SLC15A1: variants seen among roughly 807,000 people sequenced by gnomAD.
SLC15A1 encodes Caco-2 oligopeptide transporter.
A neutral mutation model predicts 92.9 loss-of-function variants in SLC15A1; 83 were observed. The ratio of observed to expected loss-of-function variants is 0.89; its 90% CI spans 0.75 to 1.07. SLC15A1 has a LOEUF of 1.07. Among genes scored for constraint, SLC15A1 ranks in the 50% least tolerant of loss-of-function variants. SLC15A1 has a pLI of 0.00. For synonymous variants in SLC15A1, 322 were observed against 318.2 expected (o/e 1.01, Z -0.13); for missense variants, 857 against 880.1 (o/e 0.97, Z 0.33).
intron 1 of SLC15A1, among the ~76,000 whole-genome samples, chr13:98,735,579 T>C (rs752194790): frequency 1.3e-5 from 2 of 152,236 alleles, no homozygotes; most frequent in African/African-American, 4.8e-5. Context: ...CATGACTTTA[T>C]ATTTAGAAAA....
chr13:98,713,035 A>G (rs1172908229), intron 9 of SLC15A1, among the ~76,000 whole-genome samples: 2 of 152,200 alleles, frequency 1.3e-5, no homozygotes, highest in Non-Finnish European at 2.9e-5. Context: ...AATATTTTAC[A>G]CTTATGACAT....
intron 18 of SLC15A1, among the ~76,000 whole-genome samples, chr13:98,689,267 G>T (rs2087957235): frequency 6.6e-6 from 1 of 152,118 alleles, no homozygotes; most frequent in Non-Finnish European, 1.5e-5. Flanking sequence ...AGTAGTGAAA[G>T]ACCAAAACCA....
chr13:98,701,868 T>C (rs2088070985), intron 18 of SLC15A1, among the ~76,000 whole-genome samples: 1 of 151,870 alleles, frequency 6.6e-6, no homozygotes, highest in East Asian at 1.9e-4. Flanking sequence ...AGATACAGGG[T>C]TTCACCATGT....
At chr13:98,686,974 G>GTTTTTT in intron 21 of SLC15A1, among the ~76,000 whole-genome samples, 1 of 132,054 alleles carries the variant, frequency 7.6e-6, no homozygotes. Context: ...TTGAGATGGT[G>GTTTTTT]TCTTGCTCTG....
intron 1 of SLC15A1, among the ~76,000 whole-genome samples, chr13:98,730,245 AG>A: frequency 4.5e-5 from 1 of 22,278 alleles, no homozygotes; most frequent in Non-Finnish European, 8.6e-5. Context: ...GGGAAGGGGA[AG>A]GGGAGGGGAA....
chr13:98,698,151 A>G (rs1328144058), intron 18 of SLC15A1, among the ~76,000 whole-genome samples: 1 of 152,204 alleles, frequency 6.6e-6, no homozygotes, highest in African/African-American at 2.4e-5. Flanking sequence ...AGGAGAGTCC[A>G]ACGCACCTGG....
Position 98,688,352 on chromosome 13 carries a change from C to A in SLC15A1, c.1579G>T (p.Gly527Cys), listed in dbSNP as rs1238442169. Residue 527 changes from glycine (G) to cysteine (C), a missense_variant, in exon 20 of 23, where the codon GGC becomes TGC. Physicochemically the swap from Gly to Cys is radical, Grantham distance 159 (BLOSUM62 -3). Coordinates refer to ENST00000376503, the MANE Select transcript of SLC15A1 (RefSeq NM_005073.4). Reference sequence around the variant, plus strand: ...ATCTCTGTTGAGCTTATTGTGAAGCCTTTTCTATCAAAATAAAGAATAATA... The same window carrying A: ...ATCTCTGTTGAGCTTATTGTGAAGCATTTTCTATCAAAATAAAGAATAATA... ...TYQFFPSGIK[G>C]FTISSTEIPP... 1 of 1,612,626 alleles carries A rather than the reference C, an allele frequency of 6.2e-7. No homozygotes were observed. The highest frequency in any genetic ancestry group is 1.3e-5 in the African/African-American group (1 of 74,950).
intron 1 of SLC15A1, among the ~76,000 whole-genome samples, chr13:98,731,693 C>T (rs2088352086): frequency 6.6e-6 from 1 of 152,224 alleles, no homozygotes; most frequent in Admixed American, 6.5e-5. Context: ...CAGGGAAAGA[C>T]TTCATCTTTC....
chr13:98,690,291 T>A (rs946346164), intron 18 of SLC15A1, among the ~76,000 whole-genome samples: 5 of 152,202 alleles, frequency 3.3e-5, no homozygotes, highest in Non-Finnish European at 5.9e-5. Flanking sequence ...TGAATTAAAC[T>A]CAGGTCCTGA....
Position 98,687,757 on chromosome 13 carries a change from A to G in SLC15A1, c.1684-33T>C. 2.5e-6 allele frequency: 4 copies of G among 1,604,242 alleles called. No homozygotes were observed. The Admixed American group carries it at 6.9e-5, about 28-fold the overall frequency. ...AGTAAGGCAAAAGCAGAAGAAGTTGAGATAGCTTCTAAAATAAAAACTGTT... is the reference window on the plus strand; with the variant it reads ...AGTAAGGCAAAAGCAGAAGAAGTTGGGATAGCTTCTAAAATAAAAACTGTT... On this transcript the variant is annotated intron_variant, in intron 20 of 22. Transcript: ENST00000376503.
chr13:98,745,916 T>A (rs769728306), intron 1 of SLC15A1, among the ~76,000 whole-genome samples: 3 of 152,114 alleles, frequency 2.0e-5, no homozygotes, highest in Non-Finnish European at 4.4e-5. Context: ...CATGTGCAGG[T>A]TTGTTATATA....
At chr13:98,708,848 C>A in intron 14 of SLC15A1, 81 bp from the exon 15 acceptor site, 1 of 1,000,028 alleles carries the variant, frequency 1.0e-6, no homozygotes, top group South Asian at 2.0e-5. Flanking sequence ...ACCATCCCCC[C>A]AACAAAACTA....
At position 98,704,281 on chromosome 13, in the gene SLC15A1, A is replaced by G. The variant is rs998920721; in HGVS notation, c.1416+8T>C. The G allele has an allele frequency of 6.3e-7, 1 of 1,584,772 alleles. No homozygotes were observed. The highest frequency in any genetic ancestry group is 1.4e-5 in the African/African-American group (1 of 72,806). On this transcript the variant is annotated splice_region_variant and intron_variant, in intron 17 of 22. Transcript: ENST00000376503. ...CAAAGAGTCAGCTGTAGGTCTTCACACACTTACCACCTGGTAGTGATTGGG... is the reference window on the plus strand; with the variant it reads ...CAAAGAGTCAGCTGTAGGTCTTCACGCACTTACCACCTGGTAGTGATTGGG...
At chr13:98,687,501 C>T in intron 21 of SLC15A1, 80 bp downstream of exon 21, 1 of 1,500,990 alleles carries the variant, frequency 6.7e-7, no homozygotes, top group Admixed American at 2.1e-5. Context: ...ATAGTTATCC[C>T]AGATTTAAAT....
intron 22 of SLC15A1, among the ~76,000 whole-genome samples, chr13:98,685,552 T>TC (rs1235222218): frequency 1.3e-5 from 2 of 152,236 alleles, no homozygotes; most frequent in Non-Finnish European, 2.9e-5. Flanking sequence ...ATAACATGTG[T>TC]CTGCTTTGCA....
chr13:98,687,484 A>T (rs575194011), intron 21 of SLC15A1, 97 bp downstream of exon 21: 13 of 1,431,348 alleles, frequency 9.1e-6, no homozygotes, highest in Middle Eastern at 1.8e-4. Flanking sequence ...TAGACTTTTT[A>T]AAAAATATAG....
At chr13:98,740,497 G>A (rs1253400214) in intron 1 of SLC15A1, among the ~76,000 whole-genome samples, 2 of 152,106 alleles carry the variant, frequency 1.3e-5, no homozygotes, top group South Asian at 2.1e-4. Context: ...CACATGACTC[G>A]TTTTCTGTCT....
chr13:98,741,325 T>C (rs4772130), intron 1 of SLC15A1, among the ~76,000 whole-genome samples: 143,575 of 152,320 alleles, frequency 0.94, 67,803 homozygotes, highest in Non-Finnish European at 0.97. Context: ...ATAGCCTCCT[T>C]TTCAGGAGCA....
intron 4 of SLC15A1, among the ~76,000 whole-genome samples, chr13:98,725,084 CCT>C (rs148061734): frequency 3.3e-5 from 5 of 151,264 alleles, no homozygotes; most frequent in African/African-American, 1.2e-4. Context: ...ACACTTCCCT[CCT>C]CTCTCTCTCT....
Sources: gnomAD v4.1 joint callset for allele counts (sites outside exome capture counted in the v4.1 genomes callset) on GRCh38, gnomAD v4.1.1 for gene constraint, MANE v1.5 for transcripts, NCBI Gene and HGNC (gene_info 2026-07-23, HGNC 2026-07-21) for gene names.